The following NBPF9 variants were observed in gnomAD, a reference collection of about 807,000 sequenced individuals.
NBPF9 encodes the protein NBPF family member NBPF9.
In NBPF9, 91 loss-of-function variants were observed where a neutral mutation model predicts 97.8. The observed-to-expected ratio is 0.93, with a 90% CI of 0.79 to 1.11. The LOEUF is 1.11. Ranked by LOEUF, NBPF9 falls within the 50% of genes least tolerant of loss-of-function variation. The pLI, the probability that NBPF9 is intolerant of heterozygous loss-of-function variation, is 0.00. For synonymous variants in NBPF9, 334 were observed against 359.5 expected, an observed-to-expected ratio of 0.93 and a Z score of 0.80; for missense variants, 992 against 939.5, an observed-to-expected ratio of 1.06 and a Z score of -0.73.
At chr1:149,093,226 A>G (rs1251621561) in intron 4 of NBPF9, among the ~76,000 whole-genome samples, 3 of 151,558 alleles carry the variant, frequency 2.0e-5, no homozygotes, top group Non-Finnish European at 2.9e-5. Flanking sequence ...TCAATGCCTT[A>G]AAGAGCAGTA....
chr1:149,073,114 G>T (rs1248286583), intron 13 of NBPF9, among the ~76,000 whole-genome samples, 182 bp from the exon 14 acceptor site: 2 of 149,390 alleles, frequency 1.3e-5, no homozygotes, highest in Non-Finnish European at 3.0e-5. Flanking sequence ...GGCTTCCTCT[G>T]TATCAGAGAG....
intron 4 of NBPF9, among the ~76,000 whole-genome samples, chr1:149,095,623 CAA>C (rs373341524): frequency 0.14 from 13,521 of 96,878 alleles, 11 homozygotes; most frequent in African/African-American, 0.19. Flanking sequence ...CAACACAAAG[CAA>C]AAAAAAAAAA....
At chr1:149,087,645 ATTT>A (rs1440127692) in intron 5 of NBPF9, among the ~76,000 whole-genome samples, 2 of 150,592 alleles carry the variant, frequency 1.3e-5, no homozygotes, top group Non-Finnish European at 3.0e-5. Context: ...GCCGGTTGGA[ATTT>A]TTATTAGAAT....
At chr1:149,057,694 AAGAC>A (rs2078295205) in intron 27 of NBPF9, among the ~76,000 whole-genome samples, 187 bp from the exon 28 acceptor site, 10 of 34,462 alleles carry the variant, frequency 2.9e-4, no homozygotes, top group African/African-American at 7.2e-4. Flanking sequence ...ATGAAAGAGA[AAGAC>A]AGATAGACAC....
At chr1:149,073,983 A>C (rs2079636426) in intron 12 of NBPF9, 113 bp from the exon 13 acceptor site, 1 of 616,620 alleles carries the variant, frequency 1.6e-6, no homozygotes. Context: ...CCCCAGTACC[A>C]GGGTCTAGAC....
chr1:149,081,273 C>G (rs878929508), intron 7 of NBPF9, among the ~76,000 whole-genome samples: 1 of 152,036 alleles, frequency 6.6e-6, no homozygotes, highest in Admixed American at 6.6e-5. Flanking sequence ...TTGCCCTCCA[C>G]GACGCCCATC....
intron 29 of NBPF9, 92 bp from the exon 30 acceptor site, chr1:149,055,991 T>C (rs368987499): frequency 7.6e-7 from 1 of 1,318,720 alleles, no homozygotes; most frequent in East Asian, 2.3e-5. Context: ...AGGAAGTGGT[T>C]AGAAAAGAAA....
At position 149,055,966 on chromosome 1, in the gene NBPF9, T is replaced by G. The variant is rs587772100; in HGVS notation, c.3093-67A>C. The G allele has an allele frequency of 3.5e-5, 56 of 1,611,562 alleles. No individual in the cohort carries two copies. In the South Asian group the frequency reaches 4.5e-4, roughly 13 times the overall value. On this transcript the variant is annotated intron_variant, in intron 29 of 29. Transcript: ENST00000584027. ...CAGACACCACAGAGCCCCACTAGAT[T>G]TCAGAAGTAACATAAGGAAGTGGTT...
At chr1:149,076,247 A>C (rs373944149) in intron 11 of NBPF9, among the ~76,000 whole-genome samples, 15 of 151,310 alleles carry the variant, frequency 9.9e-5, no homozygotes, top group African/African-American at 3.4e-4. Context: ...ACGCAGGCTG[A>C]AGTGCAGAGG....
At chr1:149,053,863 C>G (rs28683020), downstream of NBPF9, among the ~76,000 whole-genome samples, 11 of 146,512 alleles carry the variant, frequency 7.5e-5, no homozygotes, top group South Asian at 2.2e-4. Context: ...CTATACAACC[C>G]TTCCTAAATG....
chr1:149,073,019 T>C (rs1438545633), intron 13 of NBPF9, 87 bp from the exon 14 acceptor site: 7 of 1,466,472 alleles, frequency 4.8e-6, no homozygotes, highest in Non-Finnish European at 6.7e-6. Flanking sequence ...TGAAACAGTG[T>C]CCTCAAGGAG....
In NBPF9 at chr1:149,055,695, G is replaced by A. The variant is rs200807256; in HGVS notation, c.3297C>T (p.Leu1099=). 7 of 1,611,912 alleles carry A rather than the reference G, an allele frequency of 4.3e-6. No individual in the cohort carries two copies. In the East Asian group the frequency reaches 1.3e-4, roughly 31 times the overall value. ...TGACTTCCATCTGGAACACCAGGTG[G>A]AGACTTGTCACCGTCAAAGTAAAAA... Residue 1099 remains leucine (L), a synonymous_variant, in exon 30 of 30, where the codon CTC becomes CTT. Coordinates refer to ENST00000584027, the Ensembl canonical transcript of NBPF9.
intron 5 of NBPF9, among the ~76,000 whole-genome samples, chr1:149,087,901 C>T (rs1553659057): frequency 2.1e-5 from 3 of 140,862 alleles, no homozygotes; most frequent in Admixed American, 7.4e-5. Context: ...GATGCGATCT[C>T]GGCTCACTGT....
intron 3 of NBPF9, among the ~76,000 whole-genome samples, chr1:149,100,060 G>A (rs2082047686): frequency 7.0e-6 from 1 of 143,438 alleles, no homozygotes; most frequent in Non-Finnish European, 1.5e-5. Context: ...TATCACGTCG[G>A]CCCTTTAAAT....
chr1:149,062,359 A>G lies in NBPF9; in HGVS notation c.2079-94T>C, dbSNP rs1393878114. ...TCATGGCTAACATAAGGAACTGTTT[A>G]AAAAGAAAAAGGACAGATCCATTAA... On this transcript the variant is annotated intron_variant, in intron 21 of 29. Transcript: ENST00000584027. 1.1e-5 allele frequency: 7 copies of G among 637,516 alleles called. No homozygotes were observed. In the East Asian group the frequency reaches 1.4e-4, roughly 12 times the overall value. The allele number at this position is 637,516 out of a possible 1,614,324, so 39.5% of individuals were successfully genotyped here.
intron 5 of NBPF9, among the ~76,000 whole-genome samples, chr1:149,083,733 AGTT>A (rs2080731815): frequency 1.3e-5 from 2 of 151,322 alleles, no homozygotes; most frequent in Admixed American, 6.6e-5. Context: ...ATAGCGTTTA[AGTT>A]GTTAAACAAC....
At chr1:149,055,920 A>C (rs1470050124) in intron 29 of NBPF9, 21 bp from the exon 30 acceptor site, 2 of 1,611,862 alleles carry the variant, frequency 1.2e-6, no homozygotes, top group Non-Finnish European at 1.7e-6. Flanking sequence ...AGACAAAACT[A>C]AAGAAGCAGC....
At position 149,077,444 on chromosome 1, in the gene NBPF9, T is replaced by C. The variant is rs1247033086; in HGVS notation, c.567-25A>G. ...CCTGATGAGCCAGGTGGGACAGAGA[T>C]GACAGAAGATTAAACACAGAGGGAT... On this transcript the variant is annotated intron_variant, in intron 10 of 29. Transcript: ENST00000584027. The C allele has an allele frequency of 7.3e-5, 118 of 1,605,734 alleles. 2 individuals are homozygous for C. Among genetic ancestry groups the C allele is most frequent in the Non-Finnish European group, 9.5e-5 (111 of 1,174,412 alleles).
intron 5 of NBPF9, among the ~76,000 whole-genome samples, chr1:149,084,368 TGTGTATATATAATAC>T (rs2080809913): frequency 6.8e-6 from 1 of 147,550 alleles, no homozygotes; most frequent in East Asian, 2.0e-4. Context: ...TATACATACG[TGTGTATATATAATAC>T]GTGTATATAC....
Sources: gnomAD v4.1 joint callset for allele counts (sites outside exome capture counted in the v4.1 genomes callset) on GRCh38, gnomAD v4.1.1 for gene constraint, MANE v1.5 for transcripts, NCBI Gene and HGNC (gene_info 2026-07-23, HGNC 2026-07-21) for gene names.